Variants in SOS2 observed in about 807,000 individuals in gnomAD.
The protein encoded by SOS2 is son of sevenless homolog 2.
Under a neutral mutation model 148.2 loss-of-function variants are expected in SOS2, and 65 were observed. That is an observed-to-expected ratio of 0.44 (90% CI 0.36 to 0.54). The LOEUF is 0.54. Ranked by LOEUF, SOS2 falls within the 20% of genes least tolerant of loss-of-function variation. SOS2 has a pLI of 0.00. For missense variants in SOS2, 1,341 were observed against 1,590.2 expected (o/e 0.84, Z 2.67); for synonymous variants, 539 against 537.1 (o/e 1.00, Z -0.05).
Position 50,182,596 on chromosome 14 carries a change from T to G in SOS2, c.725A>C (p.Lys242Thr), listed in dbSNP as rs1435988827. Residue 242 changes from lysine to threonine, a missense_variant, in exon 6 of 23, where the codon AAG becomes ACG. Transcript: ENST00000216373. ...RKLFKPSDIE[K>T]IFSNISDIHE... is the part of the protein sequence containing the mutation. ...TATATCTGAAATGTTACTAAAAATC[T>G]TTTCGATATCCTGAAAAAAGAGAAG... The G allele has an allele frequency of 1.2e-6, 2 of 1,601,220 alleles. No homozygotes were observed. The highest frequency in any genetic ancestry group is 1.1e-5 in the South Asian group (1 of 89,836).
At chr14:50,189,305 TAC>T (rs141100073) in intron 4 of SOS2, among the ~76,000 whole-genome samples, 9 of 68,688 alleles carry the variant, frequency 1.3e-4, no homozygotes, top group East Asian at 8.4e-4. Flanking sequence ...TATACTGTAA[TAC>T]ACACACACAC....
intron 5 of SOS2, among the ~76,000 whole-genome samples, chr14:50,183,893 T>C (rs983454928): frequency 6.6e-6 from 1 of 152,218 alleles, no homozygotes; most frequent in African/African-American, 2.4e-5. Flanking sequence ...AGAAATGCGC[T>C]GTTAGGCGAT....
At chr14:50,179,742 T>G (rs773230799) in intron 7 of SOS2, among the ~76,000 whole-genome samples, 1 of 152,232 alleles carries the variant, frequency 6.6e-6, no homozygotes, top group Non-Finnish European at 1.5e-5. Flanking sequence ...TTGTTGTTAG[T>G]GTTGAGATAG....
intron 1 of SOS2, among the ~76,000 whole-genome samples, chr14:50,209,573 T>C (rs1034444180): frequency 1.3e-5 from 2 of 151,854 alleles, no homozygotes; most frequent in African/African-American, 4.8e-5. Context: ...TCAAGACCAG[T>C]CTGGGCAACA....
rs1421827964 is a variant in SOS2 at position 50,140,060 on chromosome 14, C to G, written c.2668-1G>C. On this transcript the variant is annotated splice_acceptor_variant, in intron 16 of 22. Coordinates refer to ENST00000216373, the MANE Select transcript of SOS2 (RefSeq NM_006939.4). LOFTEE classifies it high-confidence loss of function. ...TTTTCCTTTTCCTTTCCTGCAGTGC[C>G]TTAAAGTATACATAAATTGAGTATA... 7.4e-7 allele frequency: 1 copy of G among 1,359,946 alleles called. No homozygotes were observed. Among genetic ancestry groups the G allele is most frequent in the Non-Finnish European group, 1.0e-6 (1 of 954,238 alleles). The allele number at this position is 1,359,946 out of a possible 1,614,324, so 84.2% of individuals were successfully genotyped here.
chr14:50,204,496 C>A (rs1886600704), intron 1 of SOS2, 87 bp from the exon 2 acceptor site: 2 of 772,274 alleles, frequency 2.6e-6, no homozygotes, highest in Non-Finnish European at 4.1e-6. Flanking sequence ...TAATATTTTA[C>A]TATAATGGTT....
chr14:50,169,828 C>A (rs964574893), intron 8 of SOS2, among the ~76,000 whole-genome samples: 17 of 151,912 alleles, frequency 1.1e-4, no homozygotes, highest in Non-Finnish European at 2.4e-4. Context: ...AATATATTCA[C>A]TTTATAGATA....
chr14:50,229,461 G>C (rs753602535), intron 1 of SOS2, among the ~76,000 whole-genome samples: 18 of 151,118 alleles, frequency 1.2e-4, no homozygotes, highest in Non-Finnish European at 2.5e-4. Flanking sequence ...CAAAGCAATG[G>C]ACTAGGATTG....
chr14:50,208,317 T>C (rs1018771734), intron 1 of SOS2, among the ~76,000 whole-genome samples: 1 of 151,102 alleles, frequency 6.6e-6, no homozygotes, highest in Non-Finnish European at 1.5e-5. Context: ...ATAAAAAATC[T>C]CTTTGTGAAC....
intron 1 of SOS2, among the ~76,000 whole-genome samples, chr14:50,223,775 C>T (rs1487832260): frequency 6.6e-6 from 1 of 152,054 alleles, no homozygotes; most frequent in East Asian, 1.9e-4. Flanking sequence ...GATCATTGAG[C>T]CCAGGAGGTT....
chr14:50,170,325 GAAGGAA>G (rs1036770772), intron 8 of SOS2, among the ~76,000 whole-genome samples: 7 of 151,588 alleles, frequency 4.6e-5, no homozygotes, highest in African/African-American at 9.7e-5. Flanking sequence ...CTTCATGCAA[GAAGGAA>G]AAGAAAAAAA....
intron 16 of SOS2, 146 bp from the exon 17 acceptor site, chr14:50,140,205 T>C: frequency 2.0e-6 from 1 of 503,004 alleles, no homozygotes; most frequent in Non-Finnish European, 3.6e-6. Flanking sequence ...CTTTGTACAC[T>C]TACCTGAAGT....
chr14:50,190,189 T>A (rs6572647), intron 4 of SOS2, among the ~76,000 whole-genome samples: 132,195 of 151,210 alleles, frequency 0.87, 57,856 homozygotes, highest in East Asian at 0.91. Flanking sequence ...TACTTTTTTT[T>A]AAAAAAAATG....
At chr14:50,176,299 A>G (rs560760554) in intron 7 of SOS2, among the ~76,000 whole-genome samples, 5 of 152,380 alleles carry the variant, frequency 3.3e-5, no homozygotes, top group African/African-American at 1.2e-4. Context: ...TCTATTGTTT[A>G]TAAGCCATCC....
chr14:50,207,988 T>C (rs1332944614), intron 1 of SOS2, among the ~76,000 whole-genome samples: 2 of 151,842 alleles, frequency 1.3e-5, no homozygotes, highest in Non-Finnish European at 2.9e-5. Context: ...ATATTCAACA[T>C]TCATTCATGA....
intron 2 of SOS2, among the ~76,000 whole-genome samples, chr14:50,203,430 G>A (rs1276003744): frequency 6.6e-6 from 1 of 151,934 alleles, no homozygotes; most frequent in Non-Finnish European, 1.5e-5. Flanking sequence ...TTTAGCAGGA[G>A]AAAATAATAC....
intron 4 of SOS2, among the ~76,000 whole-genome samples, chr14:50,196,960 C>T (rs1886330099): frequency 6.6e-6 from 1 of 151,990 alleles, no homozygotes; most frequent in Admixed American, 6.6e-5. Flanking sequence ...CTCAACCTCC[C>T]GAGCTCCAGT....
At chr14:50,171,376 C>G (rs1310559676) in intron 8 of SOS2, among the ~76,000 whole-genome samples, 1 of 151,678 alleles carries the variant, frequency 6.6e-6, no homozygotes, top group Non-Finnish European at 1.5e-5. Context: ...TTTATAGTAA[C>G]CAAAAGGTAG....
chr14:50,153,074 T>C lies in SOS2; in HGVS notation c.2157A>G (p.Val719=). 2 of 1,503,922 alleles carry C rather than the reference T, an allele frequency of 1.3e-6. No individual in the cohort carries two copies. The highest frequency in any genetic ancestry group is 1.4e-5 in the African/African-American group (1 of 72,524). The allele number at this position is 1,503,922 out of a possible 1,614,324, so 93.2% of individuals were successfully genotyped here. ...LERLESFISS[V]RGKAMKKWVE... ...TCAAACCTTTATATAATATACCTCT[T>C]ACACTTGAAATGAAGGATTCTAGTC... Residue 719 remains valine (V), a synonymous_variant, in exon 13 of 23, where the codon GTA becomes GTG. Coordinates refer to ENST00000216373, the MANE Select transcript of SOS2 (RefSeq NM_006939.4).
Sources: allele counts gnomAD v4.1 joint callset (sites outside exome capture counted in the v4.1 genomes callset), GRCh38; gene constraint gnomAD v4.1.1; transcripts MANE v1.5; gene names NCBI Gene and HGNC (gene_info 2026-07-23, HGNC 2026-07-21).